Variants in NEB observed in about 807,000 individuals in gnomAD.
NEB encodes the protein nebulin, also known as nemaline myopathy type 2.
In NEB, 512 loss-of-function variants were observed where a neutral mutation model predicts 952.2. The observed-to-expected ratio is 0.54, with a 90% CI of 0.50 to 0.58. The LOEUF is 0.58. Ranked by LOEUF, NEB falls within the 20% of genes least tolerant of loss-of-function variation. The pLI, the probability that NEB is intolerant of heterozygous loss-of-function variation, is 0.00. For missense variants in NEB, 8,428 were observed against 9,231.1 expected (o/e 0.91, Z 3.56); for synonymous variants, 2,900 against 3,149.8 (o/e 0.92, Z 2.66).
intron 181 of NEB, among the ~76,000 whole-genome samples, chr2:151,487,065 G>A (rs1198914383): frequency 6.6e-6 from 1 of 152,202 alleles, no homozygotes; most frequent in East Asian, 1.9e-4. Flanking sequence ...GTGCGCATGT[G>A]CGTGTGTGTG....
At chr2:151,684,744 TA>T (rs1342927140) in intron 28 of NEB, 33 bp downstream of exon 28, 1 of 1,498,984 alleles carries the variant, frequency 6.7e-7, no homozygotes, top group Non-Finnish European at 8.9e-7. Context: ...TCCATCTTTT[TA>T]AAAGAGGGGC....
At position 151,644,014 on chromosome 2, in the gene NEB, C is replaced by T. The variant is rs778173289; in HGVS notation, c.7760G>A (p.Arg2587Lys). The T allele has an allele frequency of 4.3e-6, 7 of 1,613,978 alleles. No homozygotes were observed. The highest frequency in any genetic ancestry group is 8.5e-7 in the Non-Finnish European group (1 of 1,179,890). ...SMHVAKIQSD[R>K]EYKKDFEKWK... ...CTTCTCAAAGTCCTTCTTGTACTCC[C>T]TGTCACTCTGGATCTTGGCCACATG... Residue 2587 changes from arginine to lysine, a missense_variant, in exon 57 of 182, where the codon AGG (arginine) becomes AAG (lysine). Arg to Lys is a conservative substitution (Grantham distance 26, BLOSUM62 2). Around this residue, in one of 11 missense-constraint regions of NEB, gnomAD observed 1,772 missense variants for 1,960.3 expected, o/e 0.90. Transcript: ENST00000397345.
intron 158 of NEB, 51 bp downstream of exon 158, chr2:151,514,767 T>C: frequency 8.1e-7 from 1 of 1,232,306 alleles, no homozygotes; most frequent in South Asian, 1.3e-5. Flanking sequence ...TGAGTGTCAC[T>C]AGTGCAATTA....
rs563268864 is a variant in NEB, at chr2:151,707,916, A to G, written c.1036-919T>C. On this transcript the variant is annotated intron_variant, in intron 12 of 181. Transcript: ENST00000397345. ...AGTATGCTACAGTAATGGGAGACTC[A>G]GATCACTTTTCCACCTTAGAGAATT... Among the ~76,000 whole-genome samples the G allele has an allele frequency of 1.9e-4, 29 of 152,352 alleles. 1 individual carries two copies. The highest frequency in any genetic ancestry group is 8.5e-4 in the Admixed American group (13 of 15,298).
At chr2:151,693,069 A>C (rs1369964443) in intron 20 of NEB, among the ~76,000 whole-genome samples, 1 of 152,226 alleles carries the variant, frequency 6.6e-6, no homozygotes, top group Admixed American at 6.5e-5. Flanking sequence ...GTCCTGGAAG[A>C]GTATTCTGTT....
chr2:151,534,424 GGC>G (rs2092639422), intron 142 of NEB: 1 of 920,656 alleles, frequency 1.1e-6, no homozygotes. Context: ...CATCTCTAGT[GGC>G]GGGCTCCCAA....
chr2:151,724,867 T>G lies in NEB; in HGVS notation c.497A>C (p.Gln166Pro). Residue 166 changes from glutamine (Q) to proline (P), a missense_variant, in exon 7 of 182, where the codon CAA becomes CCA. Transcript: ENST00000397345. Reference protein sequence around the residue: ...DIEHAKKVSQQVSKVLYKQNW... With the variant: ...DIEHAKKVSQPVSKVLYKQNW... ...ATATCATTGCCTTACCTTACTGACT[T>G]GCTGCGACACTTTCTTTGCATGTTC... 6.2e-7 allele frequency: 1 copy of G among 1,613,360 alleles called. No individual in the cohort carries two copies. The highest frequency in any genetic ancestry group is 8.5e-7 in the Non-Finnish European group (1 of 1,179,546).
At chr2:151,594,452 T>C (rs2097354509) in intron 92 of NEB, 134 bp from the exon 93 acceptor site, 1 of 1,284,520 alleles carries the variant, frequency 7.8e-7, no homozygotes. Flanking sequence ...TCATTACATA[T>C]TTCAGTTCAC....
intron 80 of NEB, 50 bp from the exon 81 acceptor site, chr2:151,610,170 C>A: frequency 2.1e-6 from 3 of 1,439,016 alleles, no homozygotes; most frequent in Non-Finnish European, 2.8e-6. Flanking sequence ...AAACCATGCT[C>A]ATGTGCTGAC....
At position 151,583,850 on chromosome 2, in the gene NEB, G is replaced by A. The variant is rs1057217678; in HGVS notation, c.15664-84C>T. 4 of 474,846 alleles carry A rather than the reference G, an allele frequency of 8.4e-6. 1 individual carries two copies. In the African/African-American group the frequency reaches 9.7e-5, roughly 11 times the overall value. 29.4% of individuals were successfully genotyped at this position (474,846 alleles called of 1,614,324 possible). ...TTTCTAATTTAAATGGTTTCAGTAT[G>A]TTTTCTTAGCCTTGGTATAAATTGG... On this transcript the variant is annotated intron_variant, in intron 100 of 181. Coordinates refer to ENST00000397345, the MANE Select transcript of NEB (RefSeq NM_001164508.2).
In NEB at chr2:151,650,253, C is replaced by A; in HGVS notation, c.7354G>T (p.Asp2452Tyr). 6.2e-7 allele frequency: 1 copy of A among 1,613,916 alleles called. No homozygotes were observed. The highest frequency in any genetic ancestry group is 8.5e-7 in the Non-Finnish European group (1 of 1,179,864). ...GGAATGCTGGTGAACTTGTTTCTGTCTGGAGGCTGACGATATTTCTTCTCA... is the reference window on the plus strand; with the variant it reads ...GGAATGCTGGTGAACTTGTTTCTGTATGGAGGCTGACGATATTTCTTCTCA... ...ISEKKYRQPP[D>Y]RNKFTSIPDA... is the part of the protein sequence containing the mutation. The change falls in exon 54 of 182, where the codon GAC becomes TAC. Residue 2452 changes from aspartate (D) to tyrosine (Y), a missense_variant. Coordinates refer to ENST00000397345, the MANE Select transcript of NEB (RefSeq NM_001164508.2).
intron 29 of NEB, 59 bp from the exon 30 acceptor site, chr2:151,680,887 C>A: frequency 7.7e-7 from 1 of 1,294,794 alleles, no homozygotes; most frequent in South Asian, 1.2e-5. Flanking sequence ...ATTAATACGT[C>A]AAAATCCTTG....
At chr2:151,704,662 T>G (rs540384749) in intron 13 of NEB, among the ~76,000 whole-genome samples, 172 of 152,252 alleles carry the variant, frequency 1.1e-3, no homozygotes, top group South Asian at 4.1e-3. Flanking sequence ...GTCGGAAAGG[T>G]AACTCTCTGA....
At chr2:151,651,325 T>C (rs2099027068) in intron 52 of NEB, among the ~76,000 whole-genome samples, 1 of 152,264 alleles carries the variant, frequency 6.6e-6, no homozygotes, top group African/African-American at 2.4e-5. Flanking sequence ...TGGGGTTGTA[T>C]TTAATACAGC....
intron 42 of NEB, 77 bp downstream of exon 42, chr2:151,665,256 C>T (rs561028222): frequency 4.3e-4 from 577 of 1,347,862 alleles, no homozygotes; most frequent in Non-Finnish European, 5.7e-4. Context: ...CTGTAGGAGA[C>T]GATTGGGGCA....
chr2:151,622,014 T>C (rs1301111212), intron 71 of NEB, among the ~76,000 whole-genome samples: 3 of 152,110 alleles, frequency 2.0e-5, no homozygotes, highest in South Asian at 2.1e-4. Flanking sequence ...TTTTTTATTG[T>C]TGTTTTTTGT....
chr2:151,664,077 C>T (rs1020903744), intron 44 of NEB, among the ~76,000 whole-genome samples: 6 of 151,570 alleles, frequency 4.0e-5, no homozygotes, highest in African/African-American at 9.7e-5. Flanking sequence ...CAGAGTTAAT[C>T]GAAGAGATGT....
intron 161 of NEB, among the ~76,000 whole-genome samples, chr2:151,509,829 C>CA (rs568835715): frequency 6.6e-6 from 1 of 152,122 alleles, no homozygotes; most frequent in Non-Finnish European, 1.5e-5. Flanking sequence ...AGGATGGTCT[C>CA]AATCTCCTGA....
chr2:151,488,335 G>T (rs1291730596), intron 181 of NEB, among the ~76,000 whole-genome samples: 2 of 152,004 alleles, frequency 1.3e-5, no homozygotes, highest in Non-Finnish European at 2.9e-5. Flanking sequence ...GCCTGGGAAG[G>T]CTTTCCCCTT....
Sources: allele counts gnomAD v4.1 joint callset (sites outside exome capture counted in the v4.1 genomes callset), GRCh38; gene constraint gnomAD v4.1.1; regional missense constraint gnomAD v4.1.1; transcripts MANE v1.5; gene names NCBI Gene and HGNC (gene_info 2026-07-23, HGNC 2026-07-21).